The following SUZ12 variants were observed in gnomAD, a reference collection of about 807,000 sequenced individuals.
SUZ12 encodes the protein polycomb protein SUZ12.
In SUZ12, 17 loss-of-function variants were observed where a neutral mutation model predicts 87.3. The observed-to-expected ratio is 0.19, with a 90% CI of 0.13 to 0.29. SUZ12 has a LOEUF of 0.29. Among genes scored for constraint, SUZ12 ranks in the 10% least tolerant of loss-of-function variants. The probability of loss-of-function intolerance (pLI) is 1.00; values close to 1 mark genes in which losing one functional copy is unlikely to be tolerated. For missense variants in SUZ12, 526 were observed against 912.2 expected, an observed-to-expected ratio of 0.58 and a Z score of 5.45; for synonymous variants, 253 against 312.4, an observed-to-expected ratio of 0.81 and a Z score of 2.01.
rs552240912 is a variant in SUZ12, at chr17:31,939,496, A to T, written c.275-790A>T. 4.0e-5 allele frequency among the ~76,000 whole-genome samples: 6 copies of T among 151,336 alleles called. No individual in the cohort carries two copies. In the East Asian group the frequency reaches 1.2e-3, roughly 29 times the overall value. On this transcript the variant is annotated intron_variant, in intron 1 of 15. Coordinates refer to ENST00000322652, the MANE Select transcript of SUZ12 (RefSeq NM_015355.4). ...TGTCATCATATCTGTATTAGGATGT[A>T]TTAGGATTCTGTTTTGGCTGACTAC...
At chr17:31,958,060 G>A (rs1268098789) in intron 4 of SUZ12, among the ~76,000 whole-genome samples, 3 of 151,590 alleles carry the variant, frequency 2.0e-5, no homozygotes, top group Admixed American at 2.0e-4. Flanking sequence ...CTGCCATCAC[G>A]CCCGGCTAAT....
chr17:31,975,865 C>T, intron 7 of SUZ12, 152 bp downstream of exon 7: 1 of 636,508 alleles, frequency 1.6e-6, no homozygotes, highest in African/African-American at 1.8e-5. Context: ...TGCAAATTTT[C>T]AAACATAAAG....
intron 8 of SUZ12, among the ~76,000 whole-genome samples, chr17:31,979,777 T>G (rs1421373486): frequency 2.0e-5 from 3 of 152,208 alleles, no homozygotes; most frequent in African/African-American, 7.2e-5. Flanking sequence ...ATATAATTCT[T>G]ATGCTAATAC....
intron 3 of SUZ12, among the ~76,000 whole-genome samples, chr17:31,942,736 G>T (rs571197495): frequency 6.6e-6 from 1 of 152,204 alleles, no homozygotes; most frequent in East Asian, 1.9e-4. Context: ...TTAAAGTGGG[G>T]TCTGGAGGTG....
intron 4 of SUZ12, among the ~76,000 whole-genome samples, chr17:31,951,119 T>A (rs778723268): frequency 6.6e-6 from 1 of 152,250 alleles, no homozygotes; most frequent in Non-Finnish European, 1.5e-5. Flanking sequence ...GGGTCCCAGA[T>A]CTGTACAGGT....
At chr17:31,976,096 A>G (rs1015098662) in intron 7 of SUZ12, among the ~76,000 whole-genome samples, 24 of 152,364 alleles carry the variant, frequency 1.6e-4, no homozygotes, top group African/African-American at 5.8e-4. Flanking sequence ...CTATCCTCCA[A>G]AGTCTCACAA....
chr17:31,981,699 T>G lies in SUZ12; in HGVS notation c.918-1300T>G, dbSNP rs575108376. Among the ~76,000 whole-genome samples, 6 of 152,338 alleles carry G rather than the reference T, an allele frequency of 3.9e-5. No individual in the cohort carries two copies. The East Asian group carries it at 1.2e-3, about 29-fold the overall frequency. ...AGCATAGAGAAAAGACAAAAATTCT[T>G]AAGTGTCAATCATTTGGTTTTAAGA... On this transcript the variant is annotated intron_variant, in intron 8 of 15. Transcript: ENST00000322652.
chr17:31,949,676 C>CTTTTTTT lies in SUZ12; in HGVS notation c.455+2014_455+2020dup, dbSNP rs71360790. On this transcript the variant is annotated intron_variant, in intron 4 of 15. Transcript: ENST00000322652. ...CCACACCCAGCCCCCCCCCCCCCCCCTTTTTTTTTTTTTTTTTTTTTTTTT... is the reference window on the plus strand; with the variant it reads ...CCACACCCAGCCCCCCCCCCCCCCCCTTTTTTTTTTTTTTTTTTTTTTTTTTTTTTTT... Among the ~76,000 whole-genome samples the CTTTTTTT allele has an allele frequency of 5.6e-4, 7 of 12,390 alleles. 2 individuals are homozygous for CTTTTTTT. Among genetic ancestry groups the CTTTTTTT allele is most frequent in the Admixed American group, 1.2e-3 (1 of 860 alleles). The allele number at this position is 12,390 out of a possible 152,430, so 8.1% of individuals were successfully genotyped here.
chr17:31,975,514 A>C lies in SUZ12; in HGVS notation c.624A>C (p.Thr208=). The C allele has an allele frequency of 6.2e-7, 1 of 1,613,706 alleles. No homozygotes were observed. Among genetic ancestry groups the C allele is most frequent in the African/African-American group, 1.3e-5 (1 of 75,038 alleles). ...GTTGTCCAATAAGGCAAGTTCCCACAGGTAAAAAGCAGGTGCCTTTGAATC... is the reference window on the plus strand; with the variant it reads ...GTTGTCCAATAAGGCAAGTTCCCACCGGTAAAAAGCAGGTGCCTTTGAATC... ...DVSCPIRQVP[T]GKKQVPLNPD... Residue 208 remains threonine (T), a synonymous_variant, in exon 7 of 16, where the codon ACA becomes ACC. Transcript: ENST00000322652.
intron 10 of SUZ12, among the ~76,000 whole-genome samples, chr17:31,992,897 G>T (rs1310953779): frequency 6.6e-6 from 1 of 151,774 alleles, no homozygotes; most frequent in Non-Finnish European, 1.5e-5. Flanking sequence ...ATTAGAGATG[G>T]GGTTTTGCCA....
At chr17:31,959,729 G>T (rs1279183799) in intron 4 of SUZ12, among the ~76,000 whole-genome samples, 1 of 152,158 alleles carries the variant, frequency 6.6e-6, no homozygotes, top group Non-Finnish European at 1.5e-5. Flanking sequence ...TACTTCCTCT[G>T]TGGGATCTGG....
chr17:31,940,374 T>A lies in SUZ12; in HGVS notation c.321+42T>A, dbSNP rs371659052. On this transcript the variant is annotated intron_variant, in intron 2 of 15. Coordinates refer to ENST00000322652, the MANE Select transcript of SUZ12 (RefSeq NM_015355.4). ...ATTCATCAATATTATTTCTCTCTTA[T>A]AACTGCATCTGTATTCAATTTTAAC... is the stretch of plus-strand genomic sequence containing the variant. 128 of 1,592,264 alleles carry A rather than the reference T, an allele frequency of 8.0e-5. No individual in the cohort carries two copies. The African/African-American group carries it at 1.7e-3, about 21-fold the overall frequency.
At chr17:31,990,534 T>C (rs1054603967) in intron 10 of SUZ12, among the ~76,000 whole-genome samples, 1 of 152,022 alleles carries the variant, frequency 6.6e-6, no homozygotes, top group Admixed American at 6.6e-5. Flanking sequence ...CTGGCTAATT[T>C]TTGTATTTTT....
intron 10 of SUZ12, among the ~76,000 whole-genome samples, chr17:31,991,855 C>T (rs1909737290): frequency 6.6e-6 from 1 of 151,944 alleles, no homozygotes; most frequent in Non-Finnish European, 1.5e-5. Flanking sequence ...CCACCTCGGC[C>T]TCCCAAAGTG....
In SUZ12 at chr17:31,988,322, G is replaced by A; in HGVS notation, c.1026G>A (p.Arg342=). ...ATWETILDGK[R]LPPFETFSQG... ...TTTGCATGTTTTTTATTTTTTAGAG[G>A]CTGCCTCCATTCGAAACATTTTCTC... Residue 342 remains arginine, a splice_region_variant and synonymous_variant, in exon 10 of 16, where the codon AGG becomes AGA. Transcript: ENST00000322652. The A allele has an allele frequency of 6.5e-7, 1 of 1,543,970 alleles. No individual in the cohort carries two copies. The highest frequency in any genetic ancestry group is 1.2e-5 in the South Asian group (1 of 80,486).
intron 12 of SUZ12, 127 bp from the exon 13 acceptor site, chr17:31,994,436 AC>A: frequency 1.3e-6 from 1 of 784,604 alleles, no homozygotes; most frequent in Non-Finnish European, 1.8e-6. Flanking sequence ...CTGCCTGTTT[AC>A]CATGCTGGTG....
At chr17:31,990,504 C>T (rs1014719957) in intron 10 of SUZ12, among the ~76,000 whole-genome samples, 1 of 152,012 alleles carries the variant, frequency 6.6e-6, no homozygotes, top group African/African-American at 2.4e-5. Context: ...GCTGACATTA[C>T]AGGCACACAA....
At chr17:31,953,278 G>GT (rs1216587486) in intron 4 of SUZ12, among the ~76,000 whole-genome samples, 1 of 151,846 alleles carries the variant, frequency 6.6e-6, no homozygotes, top group Non-Finnish European at 1.5e-5. Flanking sequence ...GCTAATTTTT[G>GT]TTTTTTGTTT....
At chr17:31,944,362 A>G (rs941604737) in intron 3 of SUZ12, among the ~76,000 whole-genome samples, 19 of 152,018 alleles carry the variant, frequency 1.2e-4, no homozygotes, top group African/African-American at 4.1e-4. Flanking sequence ...TCCCGACCTC[A>G]GGTGATCTGC....
Sources: allele counts gnomAD v4.1 joint callset (sites outside exome capture counted in the v4.1 genomes callset), GRCh38; gene constraint gnomAD v4.1.1; transcripts MANE v1.5; gene names NCBI Gene and HGNC (gene_info 2026-07-23, HGNC 2026-07-21).